Variants in ZNF397 observed in about 807,000 individuals in gnomAD.
ZNF397 encodes the protein zinc finger protein 397.
Under a neutral mutation model 50.6 loss-of-function variants are expected in ZNF397, and 38 were observed. The ratio of observed to expected loss-of-function variants is 0.75; its 90% CI spans 0.58 to 0.98. The LOEUF is 0.98. ZNF397 is among the 50% of genes least tolerant of loss of function. The pLI is 0.00. For missense variants in ZNF397, 624 were observed against 624.1 expected, an observed-to-expected ratio of 1.00 and a Z score of 0.00; for synonymous variants, 228 against 215.2, an observed-to-expected ratio of 1.06 and a Z score of -0.52.
chr18:35,253,564 G>T (rs376385696), downstream of ZNF397: 3 of 1,613,836 alleles, frequency 1.9e-6, no homozygotes, highest in South Asian at 1.1e-5. Context: ...TCTGGTGCTG[G>T]GTGAGGGCTG....
chr18:35,256,119 T>C (rs1284214962), intron 5 of ZNF397: 1 of 152,378 alleles, frequency 6.6e-6, no homozygotes, highest in Non-Finnish European at 1.5e-5. Context: ...AGTCAAATTA[T>C]GAGACTAGAG....
At position 35,246,634 on chromosome 18, in the gene ZNF397, C is replaced by T; in HGVS notation, c.*324C>T. On this transcript the variant is annotated 3_prime_UTR_variant, in exon 4 of 4. Transcript: ENST00000330501. ...ATGAATATAGCAACCCAGGCTCTGTCACTGCATCTGATTGTTAGTGTGCCA... is the reference window on the plus strand; with the variant it reads ...ATGAATATAGCAACCCAGGCTCTGTTACTGCATCTGATTGTTAGTGTGCCA... 9.4e-7 allele frequency: 1 copy of T among 1,061,222 alleles called. No individual in the cohort carries two copies. Among genetic ancestry groups the T allele is most frequent in the Non-Finnish European group, 1.1e-6 (1 of 877,754 alleles). The allele number at this position is 1,061,222 out of a possible 1,614,324, so 65.7% of individuals were successfully genotyped here.
At chr18:35,243,053 C>T (rs1300338110) in intron 2 of ZNF397, 99 bp from the exon 3 acceptor site, 11 of 1,556,602 alleles carry the variant, frequency 7.1e-6, no homozygotes, top group South Asian at 3.5e-5. Context: ...CCCTGTCCTT[C>T]ATCCCTGGAG....
downstream of ZNF397, chr18:35,254,061 G>A (rs762067468): frequency 3.1e-6 from 5 of 1,613,988 alleles, no homozygotes; most frequent in Non-Finnish European, 3.4e-6. Context: ...TCAACGCTCT[G>A]TTGTGTAATA....
downstream of ZNF397, chr18:35,253,490 G>A: frequency 1.2e-6 from 2 of 1,606,052 alleles, no homozygotes; most frequent in Non-Finnish European, 1.7e-6. Flanking sequence ...CATAAGGCCT[G>A]ACCTATGCCT....
Position 35,243,896 on chromosome 18 carries a change from CAG to C in ZNF397, c.556+608_556+609del, listed in dbSNP as rs556528157. On this transcript the variant is annotated intron_variant, in intron 3 of 3. Coordinates refer to ENST00000330501, the MANE Select transcript of ZNF397 (RefSeq NM_001135178.3). ...AATTGACAGGTGGTAAGAGAAGAAC[CAG>C]AGAGGAAAATAGGATCCAAGTCATG... is the stretch of plus-strand genomic sequence containing the variant. 540 of 157,942 alleles carry C rather than the reference CAG, an allele frequency of 3.4e-3. 3 individuals carry two copies. Among genetic ancestry groups the C allele is most frequent in the African/African-American group, 0.012 (510 of 41,610 alleles). The allele number at this position is 157,942 out of a possible 1,614,324, so 9.8% of individuals were successfully genotyped here. A position where few individuals can be genotyped will look rare whatever the true frequency, so the allele number is the denominator to read the frequency against.
At position 35,247,059 on chromosome 18, in the gene ZNF397, T is replaced by C. The variant is rs1161515494; in HGVS notation, c.*749T>C. The C allele has an allele frequency of 1.0e-6, 1 of 977,166 alleles. No individual in the cohort carries two copies. 60.5% of individuals were successfully genotyped at this position (977,166 alleles called of 1,614,324 possible). A position where few individuals can be genotyped will look rare whatever the true frequency, so the allele number is the denominator to read the frequency against. The stretch of plus-strand genomic sequence containing the variant: ...GATGAGGAGGAGTTAGCCAAGGTGG[T>C]ACTCTAGGGAAGTGGTACCCCAGTA... On this transcript the variant is annotated 3_prime_UTR_variant, in exon 4 of 4. Coordinates refer to ENST00000330501, the MANE Select transcript of ZNF397 (RefSeq NM_001135178.3).
At chr18:35,259,172 G>A (rs1210445685), downstream of ZNF397, 1 of 152,138 alleles carries the variant, frequency 6.6e-6, no homozygotes, top group Admixed American at 6.6e-5. Context: ...CTCTCTCCTT[G>A]GCTTGCAGAT....
downstream of ZNF397, chr18:35,253,919 C>T (rs764405423): frequency 6.2e-7 from 1 of 1,614,150 alleles, no homozygotes; most frequent in Non-Finnish European, 8.5e-7. Flanking sequence ...TGAGCTCAAA[C>T]TGAAGGCTTT....
At chr18:35,243,431 C>A in intron 3 of ZNF397, 138 bp downstream of exon 3, 1 of 1,268,736 alleles carries the variant, frequency 7.9e-7, no homozygotes, top group Non-Finnish European at 1.1e-6. Flanking sequence ...CTCGCTTTAG[C>A]GGCTTTGTAT....
rs1912658431 is a variant in ZNF397 at position 35,243,274 on chromosome 18, A to G, written c.537A>G (p.Pro179=). 1.9e-6 allele frequency: 3 copies of G among 1,614,112 alleles called. No homozygotes were observed. The highest frequency in any genetic ancestry group is 2.2e-5 in the East Asian group (1 of 44,896). ...PLKTQLKSWK[P]CLSPKSDCEN... is the part of the protein sequence containing the mutation. ...AGACACAGCTGAAATCCTGGAAACC[A>G]TGCCTTTCCCCTAAAAGTGGTGAGG... Residue 179 remains proline, a synonymous_variant, in exon 3 of 4, where the codon CCA becomes CCG. Coordinates refer to ENST00000330501, the MANE Select transcript of ZNF397 (RefSeq NM_001135178.3).
At chr18:35,253,910 G>C, downstream of ZNF397, 3 of 1,614,104 alleles carry the variant, frequency 1.9e-6, no homozygotes, top group Non-Finnish European at 1.7e-6. Context: ...AACAAGGTCT[G>C]AGCTCAAACT....
At chr18:35,254,276 T>C (rs2043709838), downstream of ZNF397, 2 of 1,614,020 alleles carry the variant, frequency 1.2e-6, no homozygotes, top group Admixed American at 1.7e-5. Context: ...CCGTTGGGAA[T>C]GTGTTTCTCC....
chr18:35,256,657 T>A (rs954759830), intron 5 of ZNF397, among the ~76,000 whole-genome samples: 1 of 152,158 alleles, frequency 6.6e-6, no homozygotes, highest in Non-Finnish European at 1.5e-5. Flanking sequence ...TAATTTGTAA[T>A]CAGGCTCAAG....
rs915441030 is a variant in ZNF397, at chr18:35,246,868, C to A, written c.*558C>A. On this transcript the variant is annotated 3_prime_UTR_variant, in exon 4 of 4. Transcript: ENST00000330501. ...TTACCCAAAGGTTATTTTTTGAGTA[C>A]CTACTTTGTCCCAGGAACTAGGAAT... The A allele has an allele frequency of 7.1e-6, 7 of 982,822 alleles. No individual in the cohort carries two copies. In the African/African-American group the frequency reaches 1.2e-4, roughly 17 times the overall value. 60.9% of individuals were successfully genotyped at this position (982,822 alleles called of 1,614,324 possible). A position where few individuals can be genotyped will look rare whatever the true frequency, so the allele number is the denominator to read the frequency against.
chr18:35,257,049 TACA>T (rs2043852432), intron 5 of ZNF397: 1 of 152,488 alleles, frequency 6.6e-6, no homozygotes, highest in African/African-American at 2.4e-5. Context: ...GTGATGGAAC[TACA>T]GGCACGAGCC....
Position 35,245,521 on chromosome 18 carries a change from T to TATA in ZNF397, c.819_821dup (p.Ile273dup). 1 of 1,552,432 alleles carries TATA rather than the reference T, an allele frequency of 6.4e-7. No homozygotes were observed. Among genetic ancestry groups the TATA allele is most frequent in the Non-Finnish European group, 8.7e-7 (1 of 1,147,156 alleles). On this transcript the variant is annotated inframe_insertion, in exon 4 of 4. Transcript: ENST00000330501. ...GATGCTTGATTCTAACTACAGACTC[T>TATA]ATAATGTGTCAGAAAGTTCCTCCAG...
downstream of ZNF397, chr18:35,251,225 A>G (rs1006868463): frequency 2.0e-5 from 3 of 152,202 alleles, no homozygotes; most frequent in African/African-American, 7.2e-5. Context: ...AAGTACTCCA[A>G]AATGTTAACA....
downstream of ZNF397, chr18:35,254,193 T>G: frequency 1.2e-6 from 2 of 1,614,212 alleles, no homozygotes; most frequent in Non-Finnish European, 1.7e-6. Context: ...GGAAGCTGAC[T>G]GATTTTGTTC....
Sources: allele counts gnomAD v4.1 joint callset (sites outside exome capture counted in the v4.1 genomes callset), GRCh38; gene constraint gnomAD v4.1.1; transcripts MANE v1.5; gene names NCBI Gene and HGNC (gene_info 2026-07-23, HGNC 2026-07-21).